TREH: variants seen among roughly 807,000 people sequenced by gnomAD.
The protein encoded by TREH is trehalase.
Under a neutral mutation model 80.5 loss-of-function variants are expected in TREH, and 69 were observed. The ratio of observed to expected loss-of-function variants is 0.86; its 90% CI spans 0.71 to 1.05. The LOEUF (loss-of-function observed/expected upper bound fraction) is 1.05, where lower values mean the gene tolerates loss of function less well. TREH is among the 50% of genes least tolerant of loss of function. TREH has a pLI of 0.00. For synonymous variants in TREH, 309 were observed against 293.5 expected (o/e 1.05, Z -0.54); for missense variants, 716 against 718.8 (o/e 1.00, Z 0.04).
chr11:118,679,503 T>C, intron 1 of TREH, 36 bp downstream of exon 1: 2 of 1,460,734 alleles, frequency 1.4e-6, no homozygotes, highest in Non-Finnish European at 1.8e-6. Flanking sequence ...TCCCTCTTAT[T>C]GCCATCCTCC....
At chr11:118,665,378 G>A (rs534165867) in intron 1 of TREH, among the ~76,000 whole-genome samples, 6 of 152,244 alleles carry the variant, frequency 3.9e-5, no homozygotes, top group South Asian at 4.1e-4. Context: ...AGTGGCTCAC[G>A]CCTGTGATCC....
chr11:118,677,278 G>A lies in TREH; in HGVS notation c.89+2261C>T, dbSNP rs548844061. On this transcript the variant is annotated intron_variant, in intron 1 of 14. Coordinates refer to ENST00000264029, the MANE Select transcript of TREH (RefSeq NM_007180.3). ...TTTTGTGATTGGCAATACTTCATGC[G>A]TGCTGTCACATGTTATTGCTGGAAA... is the stretch of plus-strand genomic sequence containing the variant. 7.7e-4 allele frequency among the ~76,000 whole-genome samples: 117 copies of A among 152,300 alleles called. 2 individuals carry two copies. In the South Asian group the frequency reaches 0.017, roughly 22 times the overall value.
At chr11:118,662,012 AG>A (rs1555145119) in intron 4 of TREH, 22 bp from the exon 5 acceptor site, 15 of 1,535,364 alleles carry the variant, frequency 9.8e-6, no homozygotes, top group Non-Finnish European at 1.3e-5. Flanking sequence ...AGAGAGGGCA[AG>A]GGGAGCCTAG....
At chr11:118,673,852 T>A (rs1215185529) in intron 1 of TREH, among the ~76,000 whole-genome samples, 1 of 152,202 alleles carries the variant, frequency 6.6e-6, no homozygotes, top group Admixed American at 6.5e-5. Flanking sequence ...GTAACAACCT[T>A]CCAAACAATA....
intron 2 of TREH, 24 bp downstream of exon 2, chr11:118,663,315 G>A (rs782037987): frequency 6.4e-7 from 1 of 1,569,256 alleles, no homozygotes; most frequent in South Asian, 1.2e-5. Context: ...CTCTGGAGAG[G>A]ACGTTCAGCC....
At chr11:118,662,645 G>T in intron 4 of TREH, 1 of 538,128 alleles carries the variant, frequency 1.9e-6, no homozygotes, top group Non-Finnish European at 3.3e-6. Flanking sequence ...GCAGGCTAGG[G>T]TTTCCTGGGG....
chr11:118,676,208 T>C (rs1949477478), intron 1 of TREH, among the ~76,000 whole-genome samples: 1 of 152,338 alleles, frequency 6.6e-6, no homozygotes, highest in East Asian at 1.9e-4. Context: ...TGCCTTCATG[T>C]GGAGTCGTCT....
intron 1 of TREH, among the ~76,000 whole-genome samples, chr11:118,664,434 G>T (rs1481580020): frequency 6.6e-6 from 1 of 152,206 alleles, no homozygotes; most frequent in Non-Finnish European, 1.5e-5. Flanking sequence ...CCTGGCAGAT[G>T]GGCAGTGAAA....
chr11:118,677,818 A>G (rs1316729051), intron 1 of TREH, among the ~76,000 whole-genome samples: 1 of 152,230 alleles, frequency 6.6e-6, no homozygotes, highest in Non-Finnish European at 1.5e-5. Context: ...GAACACCAGT[A>G]AAGTCATCTT....
chr11:118,659,607 C>T (rs1222627389), intron 11 of TREH, 126 bp from the exon 12 acceptor site: 1 of 1,352,690 alleles, frequency 7.4e-7, no homozygotes, highest in South Asian at 1.4e-5. Context: ...TCACAGCTGC[C>T]CCCCGGTGGC....
In TREH at chr11:118,679,646, T is replaced by C; in HGVS notation, c.-19A>G. 1.4e-6 allele frequency: 2 copies of C among 1,471,502 alleles called. No individual in the cohort carries two copies. Among genetic ancestry groups the C allele is most frequent in the African/African-American group, 1.4e-5 (1 of 71,032 alleles). 91.2% of individuals were successfully genotyped at this position (1,471,502 alleles called of 1,614,324 possible). ...CTGGCATGGTGGCTGTGACTGTGAC[T>C]GAATGAGCAAGCCCAGGCACCTTCG... On this transcript the variant is annotated 5_prime_UTR_variant, in exon 1 of 15. Transcript: ENST00000264029.
chr11:118,659,564 A>G, intron 11 of TREH, 83 bp from the exon 12 acceptor site: 1 of 1,383,292 alleles, frequency 7.2e-7, no homozygotes. Context: ...GCGGGAAGCC[A>G]GACGTCCCCT....
At chr11:118,673,932 A>G (rs372114899) in intron 1 of TREH, among the ~76,000 whole-genome samples, 3 of 152,220 alleles carry the variant, frequency 2.0e-5, no homozygotes, top group African/African-American at 4.8e-5. Flanking sequence ...AGAGCTGTCA[A>G]TAGGGCACTG....
Position 118,660,917 on chromosome 11 carries a change from T to C in TREH, c.858-2A>G. 6.4e-7 allele frequency: 1 copy of C among 1,570,200 alleles called. No individual in the cohort carries two copies. The highest frequency in any genetic ancestry group is 8.6e-7 in the Non-Finnish European group (1 of 1,156,964). ...ACATCTTTGCTGTAGGACTCAGGCCTGGCAAAGAGGAGAGGTGGGCAGCCT... is the reference window on the plus strand; with the variant it reads ...ACATCTTTGCTGTAGGACTCAGGCCCGGCAAAGAGGAGAGGTGGGCAGCCT... On this transcript the variant is annotated splice_acceptor_variant, in intron 8 of 14. Coordinates refer to ENST00000264029, the MANE Select transcript of TREH (RefSeq NM_007180.3). LOFTEE classifies it high-confidence loss of function.
At chr11:118,679,513 C>G (rs1949513159) in intron 1 of TREH, 26 bp downstream of exon 1, 1 of 1,469,698 alleles carries the variant, frequency 6.8e-7, no homozygotes, top group African/African-American at 1.4e-5. Flanking sequence ...TGCCATCCTC[C>G]CCTGCTGCCT....
chr11:118,660,108 T>A, intron 10 of TREH, 144 bp from the exon 11 acceptor site: 1 of 799,976 alleles, frequency 1.3e-6, no homozygotes, highest in Non-Finnish European at 2.0e-6. Context: ...TGTGCCGATC[T>A]GGAGCCCACC....
intron 1 of TREH, among the ~76,000 whole-genome samples, chr11:118,665,236 A>G (rs2137271163): frequency 6.6e-6 from 1 of 152,254 alleles, no homozygotes; most frequent in South Asian, 2.1e-4. Flanking sequence ...TGGTATGACT[A>G]TATGATTTGT....
chr11:118,662,413 G>C (rs1304028732), intron 4 of TREH, among the ~76,000 whole-genome samples: 1 of 152,220 alleles, frequency 6.6e-6, no homozygotes, highest in Non-Finnish European at 1.5e-5. Context: ...TGAGCCAGGT[G>C]GGGATAAAAC....
chr11:118,668,862 C>T (rs905964281), intron 1 of TREH, among the ~76,000 whole-genome samples: 1 of 151,906 alleles, frequency 6.6e-6, no homozygotes, highest in African/African-American at 2.4e-5. Flanking sequence ...ATTGCATGAA[C>T]CTGGGAGGCA....
Sources: gnomAD v4.1 joint callset for allele counts (sites outside exome capture counted in the v4.1 genomes callset) on GRCh38, gnomAD v4.1.1 for gene constraint, MANE v1.5 for transcripts, NCBI Gene and HGNC (gene_info 2026-07-23, HGNC 2026-07-21) for gene names.